The following VWDE variants were observed in gnomAD, a reference collection of about 807,000 sequenced individuals.
VWDE encodes the protein von Willebrand factor D and EGF domains.
Under a neutral mutation model 178.4 loss-of-function variants are expected in VWDE, and 207 were observed. That is an observed-to-expected ratio of 1.16 (90% confidence interval 1.04 to 1.30). VWDE has a LOEUF of 1.30. VWDE is among the 50% of genes most tolerant of loss of function. The pLI, the probability that VWDE is intolerant of heterozygous loss-of-function variation, is 0.00. For missense variants in VWDE, 2,287 were observed against 1,901.3 expected, an observed-to-expected ratio of 1.20 and a Z score of -3.77; for synonymous variants, 738 against 651.4, an observed-to-expected ratio of 1.13 and a Z score of -2.02.
chr7:12,364,901 A>C (rs1281607219), intron 13 of VWDE, among the ~76,000 whole-genome samples: 1 of 152,122 alleles, frequency 6.6e-6, no homozygotes, highest in African/African-American at 2.4e-5. Flanking sequence ...TAAGTGATCA[A>C]AATTTACATT....
intron 6 of VWDE, among the ~76,000 whole-genome samples, chr7:12,378,449 C>G (rs1783659981): frequency 6.6e-6 from 1 of 152,174 alleles, no homozygotes; most frequent in Non-Finnish European, 1.5e-5. Flanking sequence ...ACTGGTGCAA[C>G]CCAGGACTGG....
chr7:12,388,764 T>C (rs1784226855), intron 3 of VWDE: 1 of 350,752 alleles, frequency 2.9e-6, no homozygotes, highest in South Asian at 2.6e-5. Flanking sequence ...GAATGAAAGA[T>C]GAAATAATAT....
intron 1 of VWDE, among the ~76,000 whole-genome samples, chr7:12,396,209 T>C (rs1218654776): frequency 1.3e-5 from 2 of 152,134 alleles, no homozygotes; most frequent in Non-Finnish European, 2.9e-5. Context: ...TAGATTATTT[T>C]CCAGTTTAAT....
chr7:12,331,697 G>T (rs184233657), intron 28 of VWDE, among the ~76,000 whole-genome samples: 1 of 152,022 alleles, frequency 6.6e-6, no homozygotes, highest in Non-Finnish European at 1.5e-5. Flanking sequence ...CTAACATTAG[G>T]TGCTACTATT....
intron 12 of VWDE, among the ~76,000 whole-genome samples, chr7:12,368,433 A>C (rs1223501967): frequency 1.3e-5 from 2 of 152,022 alleles, no homozygotes; most frequent in Admixed American, 1.3e-4. Flanking sequence ...GTAAGTCATA[A>C]AGATCTGTGG....
rs776296788 is a variant in VWDE at position 12,369,570 on chromosome 7, A to T, written c.2736T>A (p.Ser912Arg). 1 of 1,542,230 alleles carries T rather than the reference A, an allele frequency of 6.5e-7. No individual in the cohort carries two copies. Among genetic ancestry groups the T allele is most frequent in the South Asian group, 1.2e-5 (1 of 83,504 alleles). Residue 912 changes from serine to arginine, a missense_variant, in exon 12 of 29, where the codon AGT becomes AGA. Transcript: ENST00000275358. ...EWGCACSPSF[S>R]SYDCSDSYDK... ...CATAGGAATCACTGCAGTCATAGGAACTAAAGCTTGGGGAACACGCACACC... is the reference window on the plus strand; with the variant it reads ...CATAGGAATCACTGCAGTCATAGGATCTAAAGCTTGGGGAACACGCACACC...
rs537027562 is a variant in VWDE at position 12,398,003 on chromosome 7, G to C, written c.59-4225C>G. Among the ~76,000 whole-genome samples, 16 of 152,228 alleles carry C rather than the reference G, an allele frequency of 1.1e-4. 1 individual carries two copies. The South Asian group carries it at 3.1e-3, about 30-fold the overall frequency. On this transcript the variant is annotated intron_variant, in intron 1 of 28. Coordinates refer to ENST00000275358, the MANE Select transcript of VWDE (RefSeq NM_001135924.3). ...CAGTCACTATGAAAAGCAGTTTGGAGATTTCTCAAAGAACTGAAAAAAGAA... is the reference window on the plus strand; with the variant it reads ...CAGTCACTATGAAAAGCAGTTTGGACATTTCTCAAAGAACTGAAAAAAGAA...
intron 3 of VWDE, chr7:12,388,789 TATG>T (rs1784228090): frequency 3.1e-5 from 12 of 387,578 alleles, no homozygotes; most frequent in South Asian, 2.6e-4. Flanking sequence ...TGTATATTTT[TATG>T]ATAACTTTTA....
intron 2 of VWDE, among the ~76,000 whole-genome samples, chr7:12,390,355 T>C (rs1199443567): frequency 2.6e-5 from 4 of 151,986 alleles, no homozygotes; most frequent in African/African-American, 4.8e-5. Flanking sequence ...AACATCCTTC[T>C]CTTTTATATT....
At chr7:12,374,592 T>C in intron 9 of VWDE, 97 bp downstream of exon 9, 1 of 818,210 alleles carries the variant, frequency 1.2e-6, no homozygotes, top group Non-Finnish European at 1.9e-6. Context: ...TTTCAGTGAC[T>C]AGGACTAAAA....
At chr7:12,352,711 T>C (rs1253096666) in intron 18 of VWDE, among the ~76,000 whole-genome samples, 2 of 152,194 alleles carry the variant, frequency 1.3e-5, no homozygotes, top group East Asian at 3.9e-4. Flanking sequence ...TCTGTGGGGC[T>C]GGGCAGGCTC....
intron 4 of VWDE, among the ~76,000 whole-genome samples, chr7:12,382,423 T>A (rs1205828998): frequency 6.6e-6 from 1 of 151,626 alleles, no homozygotes; most frequent in Non-Finnish European, 1.5e-5. Context: ...CCACATACAG[T>A]AATAGCTTGT....
chr7:12,343,961 C>G (rs781376305), intron 21 of VWDE, among the ~76,000 whole-genome samples: 1 of 151,898 alleles, frequency 6.6e-6, no homozygotes, highest in Non-Finnish European at 1.5e-5. Flanking sequence ...GGTAATTTTA[C>G]CAATAACAAA....
At chr7:12,394,428 C>T (rs1053339431) in intron 1 of VWDE, among the ~76,000 whole-genome samples, 6 of 152,140 alleles carry the variant, frequency 3.9e-5, no homozygotes, top group South Asian at 2.1e-4. Flanking sequence ...AAGCCCATGG[C>T]GAAAGGGAGA....
At chr7:12,340,563 C>A in intron 23 of VWDE, 146 bp from the exon 24 acceptor site, 1 of 576,832 alleles carries the variant, frequency 1.7e-6, no homozygotes. Context: ...TAGACTTTGC[C>A]AAACATAAGA....
chr7:12,336,105 A>G (rs1269786978), intron 27 of VWDE, 36 bp downstream of exon 27: 1 of 1,508,970 alleles, frequency 6.6e-7, no homozygotes, highest in African/African-American at 1.4e-5. Context: ...ATTCCAATTC[A>G]GAACATATAG....
At chr7:12,365,878 G>T (rs113404949) in intron 13 of VWDE, among the ~76,000 whole-genome samples, 27 of 152,180 alleles carry the variant, frequency 1.8e-4, no homozygotes, top group African/African-American at 5.3e-4. Context: ...TATAGTTTTT[G>T]ATTTGGTTTG....
intron 7 of VWDE, chr7:12,377,534 G>C (rs948063185): frequency 3.4e-6 from 1 of 294,546 alleles, no homozygotes; most frequent in Non-Finnish European, 6.1e-6. Flanking sequence ...TGACGAAGAG[G>C]AGATTATTCA....
intron 19 of VWDE, among the ~76,000 whole-genome samples, chr7:12,346,019 C>T (rs979104168): frequency 4.6e-5 from 7 of 152,200 alleles, no homozygotes; most frequent in African/African-American, 1.7e-4. Context: ...GTCTTCTCTA[C>T]CTGAAATATT....
Sources: allele counts gnomAD v4.1 joint callset (sites outside exome capture counted in the v4.1 genomes callset), GRCh38; gene constraint gnomAD v4.1.1; transcripts MANE v1.5; gene names NCBI Gene and HGNC (gene_info 2026-07-23, HGNC 2026-07-21).